HCN1: variants seen among roughly 807,000 people sequenced by gnomAD.
HCN1 encodes hyperpolarization activated cyclic nucleotide gated potassium channel 1, also known as potassium/sodium hyperpolarization-activated cyclic nucleotide-gated channel 1.
A neutral mutation model predicts 78.9 loss-of-function variants in HCN1; 13 were observed. That is an observed-to-expected ratio of 0.16 (90% CI 0.11 to 0.26). HCN1 has a LOEUF of 0.26. Ranked by LOEUF, HCN1 falls within the 10% of genes least tolerant of loss-of-function variation. The pLI, the probability that HCN1 is intolerant of heterozygous loss-of-function variation, is 1.00. For missense variants in HCN1, 810 were observed against 1,154.3 expected (o/e 0.70, Z 4.32); for synonymous variants, 552 against 455.5 (o/e 1.21, Z -2.70).
intron 4 of HCN1, among the ~76,000 whole-genome samples, chr5:45,390,209 C>T (rs1010165754): frequency 1.8e-4 from 28 of 152,092 alleles, no homozygotes; most frequent in African/African-American, 6.3e-4. Context: ...CCCAGTAAAG[C>T]GGCTAACCAA....
chr5:45,453,456 C>G (rs1220217397), intron 3 of HCN1, among the ~76,000 whole-genome samples: 1 of 152,080 alleles, frequency 6.6e-6, no homozygotes, highest in Non-Finnish European at 1.5e-5. Flanking sequence ...CCCTAAAACC[C>G]AACACACACA....
chr5:45,494,260 CTGT>C (rs1293977196), intron 2 of HCN1, among the ~76,000 whole-genome samples: 1 of 152,012 alleles, frequency 6.6e-6, no homozygotes, highest in Non-Finnish European at 1.5e-5. Context: ...TCTCCAGCAC[CTGT>C]TGTTTCCTGA....
intron 5 of HCN1, among the ~76,000 whole-genome samples, chr5:45,340,648 G>C (rs898865284): frequency 7.5e-5 from 11 of 147,352 alleles, no homozygotes; most frequent in Non-Finnish European, 1.1e-4. Flanking sequence ...TGTTGATAGA[G>C]TTTTTTTTTT....
chr5:45,485,053 C>T (rs1401335374), intron 2 of HCN1, among the ~76,000 whole-genome samples: 1 of 152,168 alleles, frequency 6.6e-6, no homozygotes, highest in Non-Finnish European at 1.5e-5. Flanking sequence ...TACATATGCC[C>T]TAATTTCCTG....
intron 2 of HCN1, among the ~76,000 whole-genome samples, chr5:45,582,375 C>T (rs992701257): frequency 6.6e-6 from 1 of 152,062 alleles, no homozygotes; most frequent in Non-Finnish European, 1.5e-5. Flanking sequence ...GATTTTGTAT[C>T]CTGAGACTTT....
intron 4 of HCN1, among the ~76,000 whole-genome samples, chr5:45,387,346 A>G (rs1747944885): frequency 6.6e-6 from 1 of 152,052 alleles, no homozygotes; most frequent in African/African-American, 2.4e-5. Flanking sequence ...GTTTTATACA[A>G]ATTTCCTTTT....
At chr5:45,506,680 C>T (rs1007282758) in intron 2 of HCN1, among the ~76,000 whole-genome samples, 1 of 152,044 alleles carries the variant, frequency 6.6e-6, no homozygotes, top group Non-Finnish European at 1.5e-5. Context: ...TTATTCATGA[C>T]TAGGAAAGGC....
At chr5:45,428,158 C>A (rs1320641569) in intron 3 of HCN1, among the ~76,000 whole-genome samples, 2 of 151,754 alleles carry the variant, frequency 1.3e-5, no homozygotes, top group Non-Finnish European at 2.9e-5. Context: ...ATAATGAATG[C>A]AAAGCACCTG....
In HCN1 at chr5:45,274,958, A is replaced by G. The variant is rs372536587; in HGVS notation, c.1619-7705T>C. ...GATTGCTTTTGCAATGTCATCACTT[A>G]CCAAACATTGTCATATATTATTTGT... On this transcript the variant is annotated intron_variant, in intron 6 of 7. Transcript: ENST00000303230. Among the ~76,000 whole-genome samples, 12 of 152,346 alleles carry G rather than the reference A, an allele frequency of 7.9e-5. No individual in the cohort carries two copies. The East Asian group carries it at 1.5e-3, about 20-fold the overall frequency.
chr5:45,374,001 TTATATACATAATATATATTATATA>T (rs1561129993), intron 4 of HCN1, among the ~76,000 whole-genome samples: 2 of 106,388 alleles, frequency 1.9e-5, no homozygotes, highest in African/African-American at 9.5e-5. Flanking sequence ...ATAATATATA[TTATATACATAATATATATTATATA>T]TATTATATAC....
intron 5 of HCN1, among the ~76,000 whole-genome samples, chr5:45,342,228 T>C (rs1387733643): frequency 6.6e-6 from 1 of 151,918 alleles, no homozygotes; most frequent in Non-Finnish European, 1.5e-5. Context: ...TCTTTTCATA[T>C]ATTTCTTTCC....
intron 3 of HCN1, among the ~76,000 whole-genome samples, chr5:45,418,543 T>C (rs1393187184): frequency 1.3e-5 from 2 of 151,856 alleles, no homozygotes; most frequent in African/African-American, 4.8e-5. Flanking sequence ...ATCTGATCCT[T>C]TCTAAAAGAT....
intron 2 of HCN1, among the ~76,000 whole-genome samples, chr5:45,483,707 G>A (rs1741700681): frequency 6.6e-6 from 1 of 152,068 alleles, no homozygotes; most frequent in Admixed American, 6.6e-5. Flanking sequence ...CTGATGTTGA[G>A]AAGAGTACTT....
intron 1 of HCN1, among the ~76,000 whole-genome samples, chr5:45,681,629 TATTA>T (rs1739704224): frequency 6.6e-6 from 1 of 152,162 alleles, no homozygotes; most frequent in African/African-American, 2.4e-5. Context: ...CTCAATATTT[TATTA>T]ATTAAGCCAA....
At chr5:45,457,471 A>C (rs1271553183) in intron 3 of HCN1, among the ~76,000 whole-genome samples, 1 of 152,168 alleles carries the variant, frequency 6.6e-6, no homozygotes, top group African/African-American at 2.4e-5. Flanking sequence ...TATAATTCAG[A>C]CTTATTTCTT....
intron 2 of HCN1, among the ~76,000 whole-genome samples, chr5:45,521,750 G>C (rs1486251998): frequency 2.6e-5 from 4 of 151,892 alleles, no homozygotes; most frequent in Non-Finnish European, 4.4e-5. Flanking sequence ...TAACAGCAAG[G>C]AGTTCCAGTA....
At chr5:45,423,401 C>T (rs1296772469) in intron 3 of HCN1, among the ~76,000 whole-genome samples, 1 of 152,116 alleles carries the variant, frequency 6.6e-6, no homozygotes, top group African/African-American at 2.4e-5. Context: ...TCTTTTCCTA[C>T]CTTTCTAACT....
intron 4 of HCN1, among the ~76,000 whole-genome samples, chr5:45,387,952 G>A (rs768605678): frequency 2.0e-4 from 30 of 152,134 alleles, no homozygotes; most frequent in Non-Finnish European, 3.7e-4. Flanking sequence ...ATGTTTATTC[G>A]TGCAACTTTC....
At chr5:45,426,388 C>G (rs185985533) in intron 3 of HCN1, among the ~76,000 whole-genome samples, 1 of 152,292 alleles carries the variant, frequency 6.6e-6, no homozygotes, top group Non-Finnish European at 1.5e-5. Flanking sequence ...CCACCCAAAT[C>G]TCACCTTGAA....
Sources: allele counts gnomAD v4.1 joint callset (sites outside exome capture counted in the v4.1 genomes callset), GRCh38; gene constraint gnomAD v4.1.1; transcripts MANE v1.5; gene names NCBI Gene and HGNC (gene_info 2026-07-23, HGNC 2026-07-21).